IQCE: variants seen among roughly 807,000 people sequenced by gnomAD.
IQCE encodes the protein IQ domain-containing protein E.
Under a neutral mutation model 96.0 loss-of-function variants are expected in IQCE, and 115 were observed. That is an observed-to-expected ratio of 1.20 (90% CI 1.03 to 1.40). The LOEUF (loss-of-function observed/expected upper bound fraction) is 1.40, where lower values mean the gene tolerates loss of function less well. Ranked by LOEUF, IQCE falls within the 40% of genes most tolerant of loss-of-function variation. The pLI, the probability that IQCE is intolerant of heterozygous loss-of-function variation, is 0.00. For synonymous variants in IQCE, 412 were observed against 371.2 expected, an observed-to-expected ratio of 1.11 and a Z score of -1.26; for missense variants, 1,041 against 909.1, an observed-to-expected ratio of 1.15 and a Z score of -1.87.
In IQCE at chr7:2,607,228, GTAATT is replaced by G; in HGVS notation, c.1969+3_1969+7del. ...CCACCCTTCCTCGCAGCTCTTCCTG[GTAATT>G]TCATTCATTTGGATTCTGGCACCAG... On this transcript the variant is annotated splice_donor_variant and splice_donor_5th_base_variant and intron_variant, in intron 21 of 21. Coordinates refer to ENST00000402050, the MANE Select transcript of IQCE (RefSeq NM_152558.5). LOFTEE classifies it high-confidence loss of function. The G allele has an allele frequency of 6.2e-7, 1 of 1,613,666 alleles. No individual in the cohort carries two copies. Among genetic ancestry groups the G allele is most frequent in the Non-Finnish European group, 8.5e-7 (1 of 1,179,790 alleles).
chr7:2,596,948 T>G (rs1326495860), intron 16 of IQCE: 1 of 470,128 alleles, frequency 2.1e-6, no homozygotes, highest in Non-Finnish European at 4.4e-6. Context: ...CCAGGGCATC[T>G]TCGTCAGGGA....
At chr7:2,560,753 C>G (rs922504147) in intron 1 of IQCE, among the ~76,000 whole-genome samples, 1 of 151,772 alleles carries the variant, frequency 6.6e-6, no homozygotes, top group African/African-American at 2.4e-5. Flanking sequence ...GTCAGGAGAT[C>G]GAGACCATGC....
intron 2 of IQCE, among the ~76,000 whole-genome samples, chr7:2,567,425 G>A (rs1781460765): frequency 6.6e-6 from 1 of 152,256 alleles, no homozygotes; most frequent in Non-Finnish European, 1.5e-5. Flanking sequence ...GCCTGCAGCT[G>A]GTTTTGCCCT....
At chr7:2,598,376 C>T in intron 16 of IQCE, 89 bp from the exon 17 acceptor site, 1 of 1,309,720 alleles carries the variant, frequency 7.6e-7, no homozygotes, top group East Asian at 2.4e-5. Flanking sequence ...CGCAGCCGCA[C>T]CATGCCGGGT....
At chr7:2,579,360 T>G (rs1424683423) in intron 8 of IQCE, among the ~76,000 whole-genome samples, 1 of 152,186 alleles carries the variant, frequency 6.6e-6, no homozygotes, top group Non-Finnish European at 1.5e-5. Context: ...ATGGATTTGA[T>G]AATGTAAAAT....
chr7:2,586,441 G>A (rs1783122187), intron 12 of IQCE, 70 bp downstream of exon 12: 17 of 1,479,140 alleles, frequency 1.1e-5, no homozygotes, highest in African/African-American at 4.2e-5. Flanking sequence ...ATGGCCACTG[G>A]GTAGGCCCAA....
chr7:2,586,306 A>G lies in IQCE; in HGVS notation c.923A>G (p.Asn308Ser). Residue 308 changes from asparagine to serine, a missense_variant, in exon 12 of 22, where the codon AAC (asparagine) becomes AGC (serine). Physicochemically the swap from Asn to Ser is conservative, Grantham distance 46 (BLOSUM62 1). Coordinates refer to ENST00000402050, the MANE Select transcript of IQCE (RefSeq NM_152558.5). ...AGTGTCCAGGAGCTCACGGAAGAGA[A>G]CCAGAGCCTGAAGGAGGACCTGGAC... ...SRSVQELTEE[N>S]QSLKEDLDRV... 1 of 1,614,022 alleles carries G rather than the reference A, an allele frequency of 6.2e-7. No homozygotes were observed. Among genetic ancestry groups the G allele is most frequent in the African/African-American group, 1.3e-5 (1 of 75,038 alleles).
intron 6 of IQCE, among the ~76,000 whole-genome samples, chr7:2,575,606 T>C (rs1190481017): frequency 6.6e-6 from 1 of 152,140 alleles, no homozygotes; most frequent in Non-Finnish European, 1.5e-5. Context: ...ACACAGCCTG[T>C]GCTGTGGGGA....
chr7:2,605,640 A>AAG (rs1784756743), intron 19 of IQCE, among the ~76,000 whole-genome samples: 4 of 137,682 alleles, frequency 2.9e-5, no homozygotes, highest in South Asian at 2.1e-4. Flanking sequence ...AAATAAGTAA[A>AAG]TAAATAAATA....
intron 18 of IQCE, among the ~76,000 whole-genome samples, chr7:2,604,405 C>T (rs1056627704): frequency 6.6e-6 from 1 of 152,172 alleles, no homozygotes; most frequent in Admixed American, 6.5e-5. Context: ...ACCACTGCAC[C>T]CAGCCACATA....
chr7:2,577,083 C>T (rs1583421775), intron 6 of IQCE, among the ~76,000 whole-genome samples: 2 of 152,160 alleles, frequency 1.3e-5, no homozygotes, highest in African/African-American at 2.4e-5. Flanking sequence ...GCGTGCCCTC[C>T]GGTGCCCTCA....
At chr7:2,600,580 G>C (rs1275230339) in intron 17 of IQCE, among the ~76,000 whole-genome samples, 2 of 152,180 alleles carry the variant, frequency 1.3e-5, no homozygotes, top group East Asian at 3.9e-4. Context: ...AAAACTTAGT[G>C]ACTTCCCTTT....
chr7:2,571,761 T>C, intron 4 of IQCE, 107 bp downstream of exon 4: 1 of 1,204,202 alleles, frequency 8.3e-7, no homozygotes, highest in Non-Finnish European at 1.2e-6. Flanking sequence ...TTGAATTACA[T>C]TGTCTTTAGT....
chr7:2,599,830 G>A (rs1479894581), intron 17 of IQCE, among the ~76,000 whole-genome samples: 1 of 147,342 alleles, frequency 6.8e-6, no homozygotes, highest in Non-Finnish European at 1.5e-5. Context: ...TTTCGCTCTT[G>A]TGGCCCAGGC....
chr7:2,598,132 G>C, intron 16 of IQCE: 1 of 243,808 alleles, frequency 4.1e-6, no homozygotes, highest in Non-Finnish European at 7.8e-6. Flanking sequence ...ATTCTTGCAG[G>C]AACAAAATGT....
chr7:2,595,020 A>T, intron 16 of IQCE, 44 bp downstream of exon 16: 2 of 1,386,262 alleles, frequency 1.4e-6, no homozygotes, highest in Non-Finnish European at 2.1e-6. Flanking sequence ...GTGCGGTGAG[A>T]CTTTGGTCGT....
chr7:2,586,750 C>T (rs1783149649), intron 12 of IQCE, among the ~76,000 whole-genome samples: 1 of 152,208 alleles, frequency 6.6e-6, no homozygotes, highest in Admixed American at 6.5e-5. Context: ...AAGACGGTGA[C>T]AGCTGAGCGG....
chr7:2,591,794 T>A (rs989084189), intron 14 of IQCE, among the ~76,000 whole-genome samples: 2 of 152,076 alleles, frequency 1.3e-5, no homozygotes, highest in Admixed American at 6.5e-5. Flanking sequence ...CTAATTTTTG[T>A]ATTTTTAGTA....
chr7:2,562,855 C>CT (rs558901415), intron 1 of IQCE, among the ~76,000 whole-genome samples: 15,118 of 141,786 alleles, frequency 0.11, 966 homozygotes, highest in Non-Finnish European at 0.16. Context: ...ATCTTTCTTT[C>CT]TTTTTTTTTT....
Sources: gnomAD v4.1 joint callset for allele counts (sites outside exome capture counted in the v4.1 genomes callset) on GRCh38, gnomAD v4.1.1 for gene constraint, MANE v1.5 for transcripts, NCBI Gene and HGNC (gene_info 2026-07-23, HGNC 2026-07-21) for gene names.